PCDHGA1: variants seen among roughly 807,000 people sequenced by gnomAD.
PCDHGA1 encodes the protein protocadherin gamma subfamily A, 1, also known as protocadherin gamma-A1.
Under a neutral mutation model 58.0 loss-of-function variants are expected in PCDHGA1, and 32 were observed. The ratio of observed to expected loss-of-function variants is 0.55; its 90% CI spans 0.42 to 0.74. The LOEUF (loss-of-function observed/expected upper bound fraction) is 0.74. Ranked by LOEUF, PCDHGA1 falls within the 30% of genes least tolerant of loss-of-function variation. The pLI is 0.00. For synonymous variants in PCDHGA1, 498 were observed against 501.1 expected, an observed-to-expected ratio of 0.99 and a Z score of 0.08; for missense variants, 1,205 against 1,182.3, an observed-to-expected ratio of 1.02 and a Z score of -0.28.
chr5:141,423,071 C>T, intron 1 of PCDHGA1: 2 of 1,614,120 alleles, frequency 1.2e-6, no homozygotes, highest in South Asian at 1.1e-5. Flanking sequence ...GCCAGCGAGC[C>T]GGGACTCTTC....
chr5:141,340,640 G>C, intron 1 of PCDHGA1: 2 of 1,614,220 alleles, frequency 1.2e-6, no homozygotes, highest in Middle Eastern at 1.6e-4. Context: ...GGACCAGAAC[G>C]ACAACGCGCC....
intron 1 of PCDHGA1, among the ~76,000 whole-genome samples, chr5:141,464,912 T>A (rs1303305860): frequency 2.6e-5 from 4 of 152,092 alleles, no homozygotes; most frequent in Non-Finnish European, 5.9e-5. Context: ...CTAATTTTTT[T>A]ATTTTTTTGT....
At chr5:141,372,161 C>A in intron 1 of PCDHGA1, 1 of 1,613,776 alleles carries the variant, frequency 6.2e-7, no homozygotes, top group Non-Finnish European at 8.5e-7. Flanking sequence ...ACCTGGTGAC[C>A]AAGGTGGTGG....
rs751805838 is a variant in PCDHGA1, at chr5:141,409,319, G to T, written c.2421+76214G>T. 3 of 1,613,988 alleles carry T rather than the reference G, an allele frequency of 1.9e-6. No homozygotes were observed. The Admixed American group carries it at 5.0e-5, about 27-fold the overall frequency. ...GGTTGTTGCCCTCTTCAAAACACGG[G>T]ATCTGGATTTCGGAGGAAATGGAGA... is the stretch of plus-strand genomic sequence containing the variant. On this transcript the variant is annotated intron_variant, in intron 1 of 3. Coordinates refer to ENST00000517417, the MANE Select transcript of PCDHGA1 (RefSeq NM_018912.3).
In PCDHGA1 at chr5:141,487,000, G is replaced by A. The variant is rs1410493699; in HGVS notation, c.2422-7807G>A. On this transcript the variant is annotated intron_variant, in intron 1 of 3. Transcript: ENST00000517417. The surrounding 1 kb of genome is among the most constrained non-coding windows in gnomAD (Gnocchi z 5.0). ...GTTACAATGCTTGGGTTTCCTATCA[G>A]CTCCTGGAGGCCCCAGATCCCAGCC... The A allele has an allele frequency of 6.2e-7, 1 of 1,614,194 alleles. No homozygotes were observed. The highest frequency in any genetic ancestry group is 8.5e-7 in the Non-Finnish European group (1 of 1,180,036).
intron 1 of PCDHGA1, chr5:141,421,236 TCGGCTACAG>T (rs761399164): frequency 3.8e-5 from 60 of 1,594,916 alleles, no homozygotes; most frequent in Non-Finnish European, 5.1e-5. Flanking sequence ...CCATGGCGAA[TCGGCTACAG>T]CGCGGGGACC....
intron 1 of PCDHGA1, chr5:141,414,628 A>T (rs1471507988): frequency 4.3e-6 from 7 of 1,613,900 alleles, no homozygotes; most frequent in Non-Finnish European, 5.9e-6. Flanking sequence ...GGACCCGGAC[A>T]GCAAAGAGAA....
In PCDHGA1 at chr5:141,487,608, G is replaced by T; in HGVS notation, c.2422-7199G>T. 1 of 1,614,182 alleles carries T rather than the reference G, an allele frequency of 6.2e-7. No individual in the cohort carries two copies. The highest frequency in any genetic ancestry group is 8.5e-7 in the Non-Finnish European group (1 of 1,180,042). On this transcript the variant is annotated intron_variant, in intron 1 of 3. Coordinates refer to ENST00000517417, the MANE Select transcript of PCDHGA1 (RefSeq NM_018912.3). The surrounding 1 kb of genome is among the most constrained non-coding windows in gnomAD (Gnocchi z 5.0). ...TGCCCACCCTCTGATCTTCTCTATG[G>T]GCTAGAGGTGAGACCTTTGCAGGCT...
chr5:141,414,289 C>T (rs1435700383), intron 1 of PCDHGA1: 1 of 1,613,394 alleles, frequency 6.2e-7, no homozygotes, highest in African/African-American at 1.3e-5. Flanking sequence ...AGTCGTAGCC[C>T]TTTTAAATGT....
In PCDHGA1 at chr5:141,408,496, G is replaced by C. The variant is rs758752081; in HGVS notation, c.2421+75391G>C. On this transcript the variant is annotated intron_variant, in intron 1 of 3. Coordinates refer to ENST00000517417, the MANE Select transcript of PCDHGA1 (RefSeq NM_018912.3). The stretch of plus-strand genomic sequence containing the variant: ...TAGACCGTGAGCAAATATGCAAAGA[G>C]AGAAGAAGATGTGAGTTGCAATTGG... 21 of 1,613,960 alleles carry C rather than the reference G, an allele frequency of 1.3e-5. No individual in the cohort carries two copies. In the East Asian group the frequency reaches 1.3e-4, roughly 10 times the overall value.
intron 1 of PCDHGA1, chr5:141,399,029 A>G: frequency 6.2e-7 from 1 of 1,613,912 alleles, no homozygotes. Context: ...ACCACTCAAA[A>G]GAAACTGGAT....
chr5:141,478,489 C>T (rs779457709), intron 1 of PCDHGA1: 99 of 1,613,162 alleles, frequency 6.1e-5, no homozygotes, highest in Non-Finnish European at 8.1e-5. Context: ...CGCTGCGGAG[C>T]TGTGATCCGG....
chr5:141,469,410 A>G (rs2099200490), intron 1 of PCDHGA1, among the ~76,000 whole-genome samples: 1 of 152,128 alleles, frequency 6.6e-6, no homozygotes, highest in Non-Finnish European at 1.5e-5. Context: ...CCCCGTTTCT[A>G]CTAAAAATAT....
In PCDHGA1 at chr5:141,339,330, A is replaced by G. The variant is rs144548345; in HGVS notation, c.2421+6225A>G. ...GATAAATTGACTATTTATTCAGTAG[A>G]GGTGGAAATAACAGATATTAACGAT... On this transcript the variant is annotated intron_variant, in intron 1 of 3. Transcript: ENST00000517417. The G allele has an allele frequency of 3.1e-4, 507 of 1,614,130 alleles. No homozygotes were observed. Among genetic ancestry groups the G allele is most frequent in the Non-Finnish European group, 4.1e-4 (480 of 1,180,048 alleles).
rs1421246315 is a variant in PCDHGA1 at position 141,491,880 on chromosome 5, G to A, written c.2422-2927G>A. The A allele has an allele frequency of 1.1e-5, 16 of 1,449,714 alleles. No homozygotes were observed. The highest frequency in any genetic ancestry group is 1.5e-5 in the Non-Finnish European group (16 of 1,096,892). 89.8% of individuals were successfully genotyped at this position (1,449,714 alleles called of 1,614,324 possible). A position where few individuals can be genotyped will look rare whatever the true frequency, so the allele number is the denominator to read the frequency against. ...GCGAAACCAGAGTGGCCGATTAAGGGATGGGGCTCCGAGCACCGGGGGTGG... is the reference window on the plus strand; with the variant it reads ...GCGAAACCAGAGTGGCCGATTAAGGAATGGGGCTCCGAGCACCGGGGGTGG... On this transcript the variant is annotated intron_variant, in intron 1 of 3. Coordinates refer to ENST00000517417, the MANE Select transcript of PCDHGA1 (RefSeq NM_018912.3). The surrounding 1 kb of genome is among the most constrained non-coding windows in gnomAD (Gnocchi z 6.9).
chr5:141,355,809 G>C, intron 1 of PCDHGA1: 1 of 1,613,206 alleles, frequency 6.2e-7, no homozygotes, highest in Non-Finnish European at 8.5e-7. Flanking sequence ...TAGATCGCGA[G>C]GAAGAGGCGG....
intron 1 of PCDHGA1, chr5:141,404,061 A>G (rs375910829): frequency 9.9e-6 from 16 of 1,613,906 alleles, no homozygotes; most frequent in African/African-American, 4.0e-5. Flanking sequence ...CTTCTTTTCA[A>G]TGCTCATGAC....
In PCDHGA1 at chr5:141,392,458, G is replaced by A. The variant is rs113238570; in HGVS notation, c.2421+59353G>A. The A allele has an allele frequency of 2.2e-3, 375 of 170,410 alleles. 4 individuals are homozygous for A. Among genetic ancestry groups the A allele is most frequent in the African/African-American group, 8.5e-3 (357 of 42,198 alleles). The allele number at this position is 170,410 out of a possible 1,614,324, so 10.6% of individuals were successfully genotyped here. ...GTTTCTTTTAAAATATGGGTTTACG[G>A]ATAAATCAAATAAATTCAAAACAAA... On this transcript the variant is annotated intron_variant, in intron 1 of 3. Coordinates refer to ENST00000517417, the MANE Select transcript of PCDHGA1 (RefSeq NM_018912.3).
intron 1 of PCDHGA1, chr5:141,374,756 G>A (rs968410543): frequency 2.5e-6 from 4 of 1,612,954 alleles, no homozygotes; most frequent in Non-Finnish European, 2.5e-6. Flanking sequence ...CCGCTCAAGC[G>A]TCGCCCAAAT....
Sources: allele counts gnomAD v4.1 joint callset (sites outside exome capture counted in the v4.1 genomes callset), GRCh38; gene constraint gnomAD v4.1.1; non-coding constraint Gnocchi (gnomAD v3.1); transcripts MANE v1.5; gene names NCBI Gene and HGNC (gene_info 2026-07-23, HGNC 2026-07-21).